The following MBD5 variants were observed in gnomAD, a reference collection of about 807,000 sequenced individuals.
MBD5 encodes the protein methyl-CpG binding domain protein 5, also known as methyl-CpG-binding domain protein 5.
In MBD5, 13 loss-of-function variants were observed where a neutral mutation model predicts 117.3. That is an observed-to-expected ratio of 0.11 (90% CI 0.07 to 0.18). The LOEUF (loss-of-function observed/expected upper bound fraction) is 0.18, where lower values mean the gene tolerates loss of function less well. Among genes scored for constraint, MBD5 ranks in the 10% least tolerant of loss-of-function variants. The probability of loss-of-function intolerance (pLI) is 1.00; values close to 1 mark genes in which losing one functional copy is unlikely to be tolerated. For synonymous variants in MBD5, 727 were observed against 766.4 expected (o/e 0.95, Z 0.85); for missense variants, 1,879 against 2,093.8 (o/e 0.90, Z 2.00).
intron 4 of MBD5, among the ~76,000 whole-genome samples, chr2:148,358,619 A>C (rs1318456264): frequency 2.3e-5 from 1 of 43,844 alleles, no homozygotes; most frequent in Non-Finnish European, 5.1e-5. Context: ...CTAAAAATAC[A>C]AAAAAAAAAA....
At position 148,413,581 on chromosome 2, in the gene MBD5, GC is replaced by G. The variant is rs576569949; in HGVS notation, c.-556-44621del. 2.4e-4 allele frequency among the ~76,000 whole-genome samples: 36 copies of G among 150,442 alleles called. No individual in the cohort carries two copies. The South Asian group carries it at 2.9e-3, about 12-fold the overall frequency. ...TTCTTTATACACCTGGTAGAATTCA[GC>G]TGTTAATCCATCTGGTCCTGGGTTT... On this transcript the variant is annotated intron_variant, in intron 4 of 13. Transcript: ENST00000642680.
rs375849012 is a variant in MBD5, at chr2:148,052,982, AG to A, written c.-925+31299del. Among the ~76,000 whole-genome samples the A allele has an allele frequency of 6.2e-3, 478 of 77,564 alleles. 1 individual carries two copies. Among genetic ancestry groups the A allele is most frequent in the East Asian group, 0.02 (33 of 1,682 alleles). 50.9% of individuals were successfully genotyped at this position (77,564 alleles called of 152,430 possible). A position where few individuals can be genotyped will look rare whatever the true frequency, so the allele number is the denominator to read the frequency against. On this transcript the variant is annotated intron_variant, in intron 1 of 13. Coordinates refer to ENST00000642680, the MANE Select transcript of MBD5 (RefSeq NM_001378120.1). ...CGTCTCAAAAAAAAAAAAAAAAAAA[AG>A]AGAGAGACAATGTGTATTCTACTTG... is the stretch of plus-strand genomic sequence containing the variant.
At chr2:148,300,890 A>C (rs1559012447) in intron 3 of MBD5, among the ~76,000 whole-genome samples, 1 of 152,248 alleles carries the variant, frequency 6.6e-6, no homozygotes. Context: ...CAGAAAAGTT[A>C]TTATAGTGGC....
At chr2:148,094,816 ATAT>A (rs1046018242) in intron 1 of MBD5, among the ~76,000 whole-genome samples, 1 of 152,194 alleles carries the variant, frequency 6.6e-6, no homozygotes, top group African/African-American at 2.4e-5. Flanking sequence ...AGCCAGGTAC[ATAT>A]AGCTATACAT....
At chr2:148,084,147 G>T (rs1403815673) in intron 1 of MBD5, among the ~76,000 whole-genome samples, 3 of 152,110 alleles carry the variant, frequency 2.0e-5, no homozygotes, top group East Asian at 1.9e-4. Context: ...AGTACTTATT[G>T]CATTTAAAGT....
At chr2:148,419,272 CA>C (rs1488225192) in intron 4 of MBD5, among the ~76,000 whole-genome samples, 1 of 152,048 alleles carries the variant, frequency 6.6e-6, no homozygotes, top group African/African-American at 2.4e-5. Context: ...GATAACCATA[CA>C]AATTTGGGAA....
chr2:148,107,715 A>G (rs1401386341), intron 1 of MBD5, among the ~76,000 whole-genome samples: 1 of 152,090 alleles, frequency 6.6e-6, no homozygotes, highest in African/African-American at 2.4e-5. Context: ...CTTGAAATAT[A>G]TGAAACAGTT....
chr2:148,278,054 C>T (rs990930150), intron 3 of MBD5, among the ~76,000 whole-genome samples: 1 of 152,136 alleles, frequency 6.6e-6, no homozygotes, highest in African/African-American at 2.4e-5. Flanking sequence ...AACCCCTCTC[C>T]CAACCTCAGC....
At chr2:148,146,968 T>A (rs1697483591) in intron 1 of MBD5, among the ~76,000 whole-genome samples, 1 of 152,170 alleles carries the variant, frequency 6.6e-6, no homozygotes, top group Non-Finnish European at 1.5e-5. Flanking sequence ...ATTCATTTCT[T>A]CTGAAAGATA....
At chr2:148,064,235 C>G (rs970009087) in intron 1 of MBD5, among the ~76,000 whole-genome samples, 1 of 151,044 alleles carries the variant, frequency 6.6e-6, no homozygotes, top group African/African-American at 2.4e-5. Flanking sequence ...ACGCCATTCT[C>G]CCGCCTAGTA....
At chr2:148,158,952 G>T (rs1697938984) in intron 1 of MBD5, among the ~76,000 whole-genome samples, 1 of 152,206 alleles carries the variant, frequency 6.6e-6, no homozygotes, top group African/African-American at 2.4e-5. Flanking sequence ...TCGATCTCCT[G>T]ACCTTGTGAT....
intron 2 of MBD5, among the ~76,000 whole-genome samples, chr2:148,198,535 A>T (rs1054974922): frequency 2.6e-5 from 4 of 152,172 alleles, no homozygotes; most frequent in Non-Finnish European, 4.4e-5. Context: ...TAGATGAGTT[A>T]CAGTGATTTT....
At chr2:148,168,675 C>A (rs1248496453) in intron 1 of MBD5, among the ~76,000 whole-genome samples, 1 of 151,890 alleles carries the variant, frequency 6.6e-6, no homozygotes, top group East Asian at 1.9e-4. Flanking sequence ...CCCAAGAGGT[C>A]AAGGCTGTGG....
chr2:148,084,098 A>G (rs1695718046), intron 1 of MBD5, among the ~76,000 whole-genome samples: 1 of 152,224 alleles, frequency 6.6e-6, no homozygotes, highest in South Asian at 2.1e-4. Flanking sequence ...TGTTTGCAAT[A>G]CAAGACGAAC....
intron 3 of MBD5, among the ~76,000 whole-genome samples, chr2:148,303,975 C>T (rs1701832614): frequency 6.6e-6 from 1 of 152,136 alleles, no homozygotes; most frequent in Non-Finnish European, 1.5e-5. Context: ...CAAATGACCT[C>T]AAAGCCTAAC....
chr2:148,478,972 C>A (rs1052109893), intron 8 of MBD5, among the ~76,000 whole-genome samples: 6 of 152,116 alleles, frequency 3.9e-5, no homozygotes, highest in African/African-American at 1.4e-4. Flanking sequence ...ACAGCTTTAA[C>A]AAAACATTTT....
chr2:148,290,080 C>A (rs1000811473), intron 3 of MBD5, among the ~76,000 whole-genome samples: 3 of 150,034 alleles, frequency 2.0e-5, no homozygotes, highest in African/African-American at 7.4e-5. Flanking sequence ...CTCAGCCTCC[C>A]AAGTAGCTGG....
At chr2:148,197,746 C>T (rs1324391862) in intron 2 of MBD5, among the ~76,000 whole-genome samples, 1 of 146,192 alleles carries the variant, frequency 6.8e-6, no homozygotes, top group Non-Finnish European at 1.5e-5. Context: ...TATTTATTTC[C>T]TTAGGCACTA....
chr2:148,211,019 C>T (rs1335935171), intron 2 of MBD5, among the ~76,000 whole-genome samples: 1 of 152,052 alleles, frequency 6.6e-6, no homozygotes, highest in Non-Finnish European at 1.5e-5. Context: ...TGTAATCTGC[C>T]AGTGGAAGGG....
Sources: allele counts gnomAD v4.1 joint callset (sites outside exome capture counted in the v4.1 genomes callset), GRCh38; gene constraint gnomAD v4.1.1; transcripts MANE v1.5; gene names NCBI Gene and HGNC (gene_info 2026-07-23, HGNC 2026-07-21).